PCYOX1L: variants seen among roughly 807,000 people sequenced by gnomAD.
PCYOX1L encodes prenylcysteine oxidase 1-like.
A neutral mutation model predicts 44.1 loss-of-function variants in PCYOX1L; 40 were observed. The ratio of observed to expected loss-of-function variants is 0.91; its 90% CI spans 0.70 to 1.18. The LOEUF (loss-of-function observed/expected upper bound fraction) is 1.18, where lower values mean the gene tolerates loss of function less well. PCYOX1L is among the 50% of genes most tolerant of loss of function. PCYOX1L has a pLI of 0.00. For missense variants in PCYOX1L, 605 were observed against 653.3 expected (o/e 0.93, Z 0.81); for synonymous variants, 266 against 282.8 (o/e 0.94, Z 0.60).
intron 4 of PCYOX1L, among the ~76,000 whole-genome samples, chr5:149,366,601 G>C (rs1465738367): frequency 6.6e-6 from 1 of 152,186 alleles, no homozygotes; most frequent in Non-Finnish European, 1.5e-5. Flanking sequence ...GAGAATGTAG[G>C]CTTCACAAGA....
intron 1 of PCYOX1L, among the ~76,000 whole-genome samples, chr5:149,361,371 G>GA (rs996674813): frequency 5.9e-5 from 9 of 151,960 alleles, no homozygotes; most frequent in East Asian, 3.9e-4. Flanking sequence ...GATCCTGTTT[G>GA]AAAAAAAACT....
Position 149,364,035 on chromosome 5 carries a change from G to T in PCYOX1L, c.296-1G>T. 1 of 1,613,812 alleles carries T rather than the reference G, an allele frequency of 6.2e-7. No individual in the cohort carries two copies. On this transcript the variant is annotated splice_acceptor_variant, in intron 2 of 5. Coordinates refer to ENST00000274569, the MANE Select transcript of PCYOX1L (RefSeq NM_024028.4). LOFTEE classifies it high-confidence loss of function. ...TGAGGGGCTCCTCTTTGTCTCTGCAGGGCTGAGGCACCGGCGCGAGGTGGT... is the reference window on the plus strand; with the variant it reads ...TGAGGGGCTCCTCTTTGTCTCTGCATGGCTGAGGCACCGGCGCGAGGTGGT...
At chr5:149,358,986 G>A (rs1012081301) in intron 1 of PCYOX1L, among the ~76,000 whole-genome samples, 1 of 152,050 alleles carries the variant, frequency 6.6e-6, no homozygotes, top group African/African-American at 2.4e-5. Flanking sequence ...CAAATAAATT[G>A]CAGACATCAG....
Position 149,368,916 on chromosome 5 carries a change from A to T in PCYOX1L, c.*262A>T, listed in dbSNP as rs192721936. On this transcript the variant is annotated 3_prime_UTR_variant, in exon 6 of 6. Transcript: ENST00000274569. ...TATTTATTTTTTTTAAGAAGAAAAA[A>T]GTTCATCTTCACAAGGTGCTTCAGA... 1.9e-5 allele frequency: 6 copies of T among 322,562 alleles called. No homozygotes were observed. The highest frequency in any genetic ancestry group is 1.3e-4 in the African/African-American group (6 of 47,034). 20.0% of individuals were successfully genotyped at this position (322,562 alleles called of 1,614,324 possible).
intron 5 of PCYOX1L, among the ~76,000 whole-genome samples, 153 bp from the exon 6 acceptor site, chr5:149,367,840 G>T (rs1049570957): frequency 1.3e-5 from 2 of 152,266 alleles, no homozygotes; most frequent in East Asian, 1.9e-4. Context: ...TTCTGCAGCC[G>T]CATCAGCATG....
intron 1 of PCYOX1L, among the ~76,000 whole-genome samples, chr5:149,361,602 TA>T (rs1404493923): frequency 2.0e-5 from 3 of 152,180 alleles, no homozygotes; most frequent in African/African-American, 7.2e-5. Context: ...TCCTGTAGGG[TA>T]ATGAACAATC....
intron 2 of PCYOX1L, 42 bp from the exon 3 acceptor site, chr5:149,363,994 A>G (rs1325535508): frequency 1.2e-6 from 2 of 1,602,278 alleles, no homozygotes; most frequent in African/African-American, 1.3e-5. Context: ...GAGGGCCCCA[A>G]GTCTTGGAGG....
Position 149,368,482 on chromosome 5 carries a change from C to G in PCYOX1L, c.1313C>G (p.Ala438Gly), listed in dbSNP as rs1045678243. 10 of 1,612,552 alleles carry G rather than the reference C, an allele frequency of 6.2e-6. No homozygotes were observed. Among genetic ancestry groups the G allele is most frequent in the Admixed American group, 5.0e-5 (3 of 59,930 alleles). Residue 438 changes from alanine (A) to glycine (G), a missense_variant, in exon 6 of 6, where the codon GCA becomes GGA. Coordinates refer to ENST00000274569, the MANE Select transcript of PCYOX1L (RefSeq NM_024028.4). ...TCCCGCCCCACGCTCCCGAGGTTTG[C>G]ACTCCATGACCAGCTCTTCTACCTC... ...YGSRPTLPRFALHDQLFYLNA... is the reference protein window; with the variant it reads ...YGSRPTLPRFGLHDQLFYLNA...
At chr5:149,363,272 A>G (rs1281000901) in intron 2 of PCYOX1L, 3 of 355,674 alleles carry the variant, frequency 8.4e-6, no homozygotes, top group Non-Finnish European at 1.7e-5. Flanking sequence ...CATTACAGCG[A>G]GAGGTGGGAT....
At chr5:149,363,840 C>A in intron 2 of PCYOX1L, 196 bp from the exon 3 acceptor site, 1 of 595,630 alleles carries the variant, frequency 1.7e-6, no homozygotes, top group Non-Finnish European at 2.8e-6. Flanking sequence ...TAAAATGTTA[C>A]ATTATTTTCA....
chr5:149,368,681 T>C lies in PCYOX1L; in HGVS notation c.*27T>C. ...GGCTCTAGGGAGAGCCTGGGAACTT[T>C]CATCCCCCACTGAAGATGGATCATC... On this transcript the variant is annotated 3_prime_UTR_variant, in exon 6 of 6. Coordinates refer to ENST00000274569, the MANE Select transcript of PCYOX1L (RefSeq NM_024028.4). 3 of 1,497,628 alleles carry C rather than the reference T, an allele frequency of 2.0e-6. No individual in the cohort carries two copies. The South Asian group carries it at 4.0e-5, about 20-fold the overall frequency. 92.8% of individuals were successfully genotyped at this position (1,497,628 alleles called of 1,614,324 possible).
rs376503324 is a variant in PCYOX1L at position 149,363,892 on chromosome 5, A to G, written c.296-144A>G. 58 of 797,894 alleles carry G rather than the reference A, an allele frequency of 7.3e-5. 1 individual carries two copies. The African/African-American group carries it at 8.8e-4, about 12-fold the overall frequency. 49.4% of individuals were successfully genotyped at this position (797,894 alleles called of 1,614,324 possible). On this transcript the variant is annotated intron_variant, in intron 2 of 5. Coordinates refer to ENST00000274569, the MANE Select transcript of PCYOX1L (RefSeq NM_024028.4). ...GACTTGGTAGTCCAAACATTTTCCCAGTGCATCTGTTTACTGTTTATTAAC... is the reference window on the plus strand; with the variant it reads ...GACTTGGTAGTCCAAACATTTTCCCGGTGCATCTGTTTACTGTTTATTAAC...
At chr5:149,363,142 G>C in intron 2 of PCYOX1L, 1 of 506,828 alleles carries the variant, frequency 2.0e-6, no homozygotes, top group South Asian at 1.6e-5. Flanking sequence ...TGCTTGCCAG[G>C]CACCTTCTGG....
chr5:149,366,696 TTAAA>T (rs1253533983), intron 4 of PCYOX1L, among the ~76,000 whole-genome samples: 2 of 152,334 alleles, frequency 1.3e-5, no homozygotes, highest in African/African-American at 2.4e-5. Context: ...TATATTTTTG[TTAAA>T]TAAATGAATG....
chr5:149,363,235 A>G, intron 2 of PCYOX1L: 1 of 367,258 alleles, frequency 2.7e-6, no homozygotes, highest in South Asian at 2.1e-5. Flanking sequence ...ACTGAGGCTC[A>G]GAAAATGTAT....
In PCYOX1L at chr5:149,368,749, G is replaced by T; in HGVS notation, c.*95G>T. On this transcript the variant is annotated 3_prime_UTR_variant, in exon 6 of 6. Transcript: ENST00000274569. ...TGAATAAGCCATGCTCGCCCACCAG[G>T]CTTCTTTCTGACCCCTCATGTATCA... is the stretch of plus-strand genomic sequence containing the variant. The T allele has an allele frequency of 7.8e-7, 1 of 1,278,686 alleles. No homozygotes were observed. Among genetic ancestry groups the T allele is most frequent in the Non-Finnish European group, 1.0e-6 (1 of 963,472 alleles). The allele number at this position is 1,278,686 out of a possible 1,614,324, so 79.2% of individuals were successfully genotyped here. A position where few individuals can be genotyped will look rare whatever the true frequency, so the allele number is the denominator to read the frequency against.
chr5:149,365,929 A>G lies in PCYOX1L; in HGVS notation c.471-13A>G, dbSNP rs1261582217. The stretch of plus-strand genomic sequence containing the variant: ...CTTCCTGCACAAGGACTCCAGCTCT[A>G]TGTGTCTTCTAGGATCTATAAGTAC... On this transcript the variant is annotated splice_polypyrimidine_tract_variant and intron_variant, in intron 3 of 5. Coordinates refer to ENST00000274569, the MANE Select transcript of PCYOX1L (RefSeq NM_024028.4). 2.5e-6 allele frequency: 4 copies of G among 1,613,730 alleles called. No homozygotes were observed. Among genetic ancestry groups the G allele is most frequent in the East Asian group, 4.5e-5 (2 of 44,898 alleles).
intron 5 of PCYOX1L, 125 bp from the exon 6 acceptor site, chr5:149,367,868 C>G: frequency 1.9e-6 from 2 of 1,049,718 alleles, no homozygotes; most frequent in Non-Finnish European, 2.7e-6. Context: ...CAGGACCCAC[C>G]ATTTAGACAG....
chr5:149,363,566 G>A (rs1408472045), intron 2 of PCYOX1L: 1 of 219,898 alleles, frequency 4.5e-6, no homozygotes, highest in African/African-American at 2.3e-5. Context: ...AAGATACAGT[G>A]TATTGTTAAA....
Sources: allele counts gnomAD v4.1 joint callset (sites outside exome capture counted in the v4.1 genomes callset), GRCh38; gene constraint gnomAD v4.1.1; transcripts MANE v1.5; gene names NCBI Gene and HGNC (gene_info 2026-07-23, HGNC 2026-07-21).